Variants in ADAMTS12 observed in about 807,000 individuals in gnomAD.
ADAMTS12 encodes the protein ADAM metallopeptidase with thrombospondin type 1 motif 12.
Under a neutral mutation model 167.8 loss-of-function variants are expected in ADAMTS12, and 118 were observed. The ratio of observed to expected loss-of-function variants is 0.70; its 90% CI spans 0.61 to 0.82. The LOEUF (loss-of-function observed/expected upper bound fraction) is 0.82. Ranked by LOEUF, ADAMTS12 falls within the 40% of genes least tolerant of loss-of-function variation. The probability of loss-of-function intolerance (pLI) is 0.00; values close to 1 mark genes in which losing one functional copy is unlikely to be tolerated. For missense variants in ADAMTS12, 1,916 were observed against 1,998.8 expected, an observed-to-expected ratio of 0.96 and a Z score of 0.79; for synonymous variants, 704 against 716.9, an observed-to-expected ratio of 0.98 and a Z score of 0.29.
chr5:33,536,139 T>G (rs898374130), intron 22 of ADAMTS12, among the ~76,000 whole-genome samples: 1 of 152,138 alleles, frequency 6.6e-6, no homozygotes, highest in African/African-American at 2.4e-5. Context: ...AATATACCAT[T>G]TAAACCATTT....
intron 3 of ADAMTS12, among the ~76,000 whole-genome samples, chr5:33,742,252 G>A (rs1321861836): frequency 2.0e-5 from 3 of 151,388 alleles, no homozygotes; most frequent in African/African-American, 7.3e-5. Context: ...CTTTGAAGAG[G>A]AAGATTAGAG....
chr5:33,568,637 A>G (rs903509547), intron 19 of ADAMTS12, among the ~76,000 whole-genome samples: 5 of 152,372 alleles, frequency 3.3e-5, no homozygotes, highest in African/African-American at 1.2e-4. Flanking sequence ...AAAGGAAAAA[A>G]TAAGAGACTA....
chr5:33,848,319 T>C (rs938796949), intron 2 of ADAMTS12, among the ~76,000 whole-genome samples: 3 of 151,582 alleles, frequency 2.0e-5, no homozygotes, highest in African/African-American at 7.3e-5. Flanking sequence ...ATCCAGAACC[T>C]GAAGTGCCAG....
chr5:33,671,429 T>C (rs1251364992), intron 5 of ADAMTS12, among the ~76,000 whole-genome samples: 2 of 152,176 alleles, frequency 1.3e-5, no homozygotes, highest in Admixed American at 1.3e-4. Context: ...AGAAAATGAA[T>C]GAAGGGTAAT....
Position 33,745,330 on chromosome 5 carries a change from T to C in ADAMTS12, c.634+6074A>G, listed in dbSNP as rs139656894. ...GGAAAACTCAAAGCTACTTATTCAT[T>C]GCCCTGCAGAGTTGTGGGAAATGCC... On this transcript the variant is annotated intron_variant, in intron 3 of 23. Transcript: ENST00000504830. Among the ~76,000 whole-genome samples the C allele has an allele frequency of 9.1e-3, 1,385 of 152,302 alleles. 20 individuals are homozygous for C. The highest frequency in any genetic ancestry group is 0.032 in the African/African-American group (1,338 of 41,542).
At chr5:33,637,508 T>C in intron 12 of ADAMTS12, 69 bp downstream of exon 12, 1 of 1,497,998 alleles carries the variant, frequency 6.7e-7, no homozygotes, top group Non-Finnish European at 9.1e-7. Context: ...ACAGAAACCC[T>C]GACTGACATA....
At chr5:33,786,995 T>C (rs1449662358) in intron 2 of ADAMTS12, among the ~76,000 whole-genome samples, 5 of 147,610 alleles carry the variant, frequency 3.4e-5, no homozygotes, top group African/African-American at 1.3e-4. Context: ...CAAATCATAC[T>C]CGTTCTACAT....
chr5:33,579,917 A>C lies in ADAMTS12; in HGVS notation c.2866-2757T>G, dbSNP rs150287619. ...TTTCTACTGCCCTTGTGGGTGACAC[A>C]CAGAATTGTCTCAACAGGGAGGTGT... On this transcript the variant is annotated intron_variant, in intron 18 of 23. Coordinates refer to ENST00000504830, the MANE Select transcript of ADAMTS12 (RefSeq NM_030955.4). Among the ~76,000 whole-genome samples the C allele has an allele frequency of 3.0e-3, 450 of 152,354 alleles. 2 individuals carry two copies. Among genetic ancestry groups the C allele is most frequent in the African/African-American group, 0.01 (427 of 41,584 alleles).
intron 2 of ADAMTS12, among the ~76,000 whole-genome samples, chr5:33,791,995 C>T (rs1178052132): frequency 8.4e-6 from 1 of 119,354 alleles, no homozygotes; most frequent in Non-Finnish European, 1.7e-5. Flanking sequence ...TGCTTTCACA[C>T]TTTTTTTTTT....
At chr5:33,624,888 G>A (rs1049888716) in intron 13 of ADAMTS12, among the ~76,000 whole-genome samples, 1 of 152,154 alleles carries the variant, frequency 6.6e-6, no homozygotes, top group African/African-American at 2.4e-5. Context: ...TTTCTTTCTT[G>A]TTTGGGAACA....
intron 22 of ADAMTS12, among the ~76,000 whole-genome samples, chr5:33,542,963 C>T (rs777052664): frequency 2.0e-5 from 3 of 151,892 alleles, no homozygotes; most frequent in Non-Finnish European, 2.9e-5. Context: ...ACTAGAGAAG[C>T]GAGAGGAAAC....
chr5:33,547,980 T>A (rs1417821603), intron 21 of ADAMTS12, among the ~76,000 whole-genome samples: 2 of 152,044 alleles, frequency 1.3e-5, no homozygotes, highest in Non-Finnish European at 2.9e-5. Flanking sequence ...GGAAGGAGGA[T>A]GAAGAGGGGA....
At chr5:33,714,589 A>C (rs1743530582) in intron 3 of ADAMTS12, among the ~76,000 whole-genome samples, 1 of 152,108 alleles carries the variant, frequency 6.6e-6, no homozygotes, top group South Asian at 2.1e-4. Context: ...AAAATGTGGG[A>C]TATATACATG....
chr5:33,666,848 C>G (rs560590908), intron 5 of ADAMTS12, among the ~76,000 whole-genome samples: 7 of 152,166 alleles, frequency 4.6e-5, no homozygotes, highest in African/African-American at 1.7e-4. Flanking sequence ...TGTGTTTACT[C>G]TATAACAGAT....
At chr5:33,814,553 G>A (rs1294329019) in intron 2 of ADAMTS12, among the ~76,000 whole-genome samples, 2 of 152,160 alleles carry the variant, frequency 1.3e-5, no homozygotes, top group Admixed American at 1.3e-4. Context: ...ATAAATTTGG[G>A]AATCATATGT....
intron 13 of ADAMTS12, among the ~76,000 whole-genome samples, chr5:33,625,277 G>A (rs1739529856): frequency 6.6e-6 from 1 of 151,616 alleles, no homozygotes; most frequent in South Asian, 2.1e-4. Context: ...CCTAGTAGGG[G>A]GAAAAAAATT....
chr5:33,588,866 TC>T (rs776564565), intron 17 of ADAMTS12, 57 bp from the exon 18 acceptor site: 1 of 1,588,428 alleles, frequency 6.3e-7, no homozygotes, highest in Non-Finnish European at 8.5e-7. Context: ...TATGTTCCAT[TC>T]AACCACTGAG....
At chr5:33,832,053 T>C (rs1209038659) in intron 2 of ADAMTS12, among the ~76,000 whole-genome samples, 1 of 152,200 alleles carries the variant, frequency 6.6e-6, no homozygotes, top group Non-Finnish European at 1.5e-5. Flanking sequence ...TTTCTGCAGC[T>C]TTCAGGTTCA....
chr5:33,593,176 C>T (rs1747734730), intron 17 of ADAMTS12, among the ~76,000 whole-genome samples: 1 of 152,174 alleles, frequency 6.6e-6, no homozygotes, highest in African/African-American at 2.4e-5. Flanking sequence ...ACCCACGAGG[C>T]TGGGGCAGGA....
Sources: gnomAD v4.1 joint callset for allele counts (sites outside exome capture counted in the v4.1 genomes callset) on GRCh38, gnomAD v4.1.1 for gene constraint, MANE v1.5 for transcripts, NCBI Gene and HGNC (gene_info 2026-07-23, HGNC 2026-07-21) for gene names.